The following TENM2 variants were observed in gnomAD, a reference collection of about 807,000 sequenced individuals.
TENM2 encodes teneurin-2.
A neutral mutation model predicts 245.2 loss-of-function variants in TENM2; 52 were observed. The ratio of observed to expected loss-of-function variants is 0.21; its 90% CI spans 0.17 to 0.27. The LOEUF (loss-of-function observed/expected upper bound fraction) is 0.27. TENM2 is among the 10% of genes least tolerant of loss of function. The pLI, the probability that TENM2 is intolerant of heterozygous loss-of-function variation, is 1.00. For synonymous variants in TENM2, 1,363 were observed against 1,438.9 expected, an observed-to-expected ratio of 0.95 and a Z score of 1.19; for missense variants, 3,046 against 3,666.8, an observed-to-expected ratio of 0.83 and a Z score of 4.37.
intron 2 of TENM2, among the ~76,000 whole-genome samples, chr5:167,467,172 T>C (rs1561980571): frequency 6.6e-6 from 1 of 152,046 alleles, no homozygotes; most frequent in Non-Finnish European, 1.5e-5. Flanking sequence ...GATTGGAACA[T>C]GGGGGTGGTT....
chr5:167,142,578 TCTCA>T, the TENM2 span, among the ~76,000 whole-genome samples: 564 of 152,080 alleles, frequency 3.7e-3, 2 homozygotes, highest in African/African-American at 0.013. Context: ...TGAGACGGAG[TCTCA>T]CTCTTTCACC....
At chr5:168,209,572 G>A (rs1475603475) in intron 19 of TENM2, among the ~76,000 whole-genome samples, 1 of 152,186 alleles carries the variant, frequency 6.6e-6, no homozygotes, top group East Asian at 1.9e-4. Flanking sequence ...AAACAACCCT[G>A]TGGCTACTCC....
intron 27 of TENM2, among the ~76,000 whole-genome samples, chr5:168,257,309 C>A (rs1483977432): frequency 6.6e-6 from 1 of 152,100 alleles, no homozygotes; most frequent in Non-Finnish European, 1.5e-5. Flanking sequence ...GTTGGCCTTA[C>A]CGGGCAGGCA....
At chr5:167,032,593 A>G in the TENM2 span, among the ~76,000 whole-genome samples, 2 of 152,142 alleles carry the variant, frequency 1.3e-5, no homozygotes, top group Admixed American at 1.3e-4. Context: ...TTATAAGCAG[A>G]CTGGGTGAGG....
At chr5:167,565,604 C>G (rs1773856598) in intron 2 of TENM2, among the ~76,000 whole-genome samples, 1 of 152,200 alleles carries the variant, frequency 6.6e-6, no homozygotes, top group African/African-American at 2.4e-5. Context: ...AATGATAGGG[C>G]TATCTGCCTT....
chr5:167,150,754 A>G, the TENM2 span, among the ~76,000 whole-genome samples: 3 of 152,190 alleles, frequency 2.0e-5, no homozygotes, highest in Non-Finnish European at 4.4e-5. Flanking sequence ...AATCCTGTAA[A>G]ACCTCTCACA....
intron 2 of TENM2, among the ~76,000 whole-genome samples, chr5:167,539,291 CTG>C (rs1469848292): frequency 4.6e-5 from 7 of 152,200 alleles, no homozygotes; most frequent in African/African-American, 1.7e-4. Flanking sequence ...AATATTATAA[CTG>C]TGTGAATTTG....
intron 7 of TENM2, among the ~76,000 whole-genome samples, chr5:168,069,860 G>T (rs1481938033): frequency 6.6e-6 from 1 of 152,144 alleles, no homozygotes; most frequent in Non-Finnish European, 1.5e-5. Context: ...GGATCTTCTT[G>T]AACGTGTCAG....
intron 1 of TENM2, among the ~76,000 whole-genome samples, chr5:167,353,481 G>GTGT (rs1759070577): frequency 1.5e-5 from 1 of 67,094 alleles, no homozygotes; most frequent in Non-Finnish European, 2.8e-5. Context: ...AGTATATGGT[G>GTGT]TTTTTTGTTG....
chr5:167,888,195 T>C (rs576879771), intron 3 of TENM2, among the ~76,000 whole-genome samples: 20 of 152,284 alleles, frequency 1.3e-4, no homozygotes, highest in African/African-American at 4.3e-4. Context: ...CAGAATCCAA[T>C]TGAATACTCA....
intron 3 of TENM2, among the ~76,000 whole-genome samples, chr5:167,881,484 A>G (rs559221907): frequency 6.6e-6 from 1 of 152,352 alleles, no homozygotes; most frequent in South Asian, 2.1e-4. Context: ...TTTGTTAAAT[A>G]AATGAATGAG....
At chr5:168,042,045 C>T (rs888058520) in intron 5 of TENM2, among the ~76,000 whole-genome samples, 1 of 152,166 alleles carries the variant, frequency 6.6e-6, no homozygotes, top group Non-Finnish European at 1.5e-5. Flanking sequence ...CCCCCAGGAG[C>T]CCCGACATTG....
intron 2 of TENM2, among the ~76,000 whole-genome samples, chr5:167,590,585 C>A (rs1775809656): frequency 2.0e-5 from 3 of 151,870 alleles, no homozygotes; most frequent in Admixed American, 2.0e-4. Flanking sequence ...TTCTCCCAGG[C>A]ATGTCTTGCT....
At chr5:168,237,225 C>T (rs1259245007) in intron 25 of TENM2, among the ~76,000 whole-genome samples, 2 of 149,506 alleles carry the variant, frequency 1.3e-5, no homozygotes, top group Non-Finnish European at 3.0e-5. Flanking sequence ...ATCATGTTGA[C>T]CAGGCTGGTC....
At chr5:167,202,000 G>A in the TENM2 span, among the ~76,000 whole-genome samples, 1 of 152,160 alleles carries the variant, frequency 6.6e-6, no homozygotes. Flanking sequence ...AGGGAAGGTA[G>A]TTGTTGGAAG....
At chr5:168,181,669 C>CTTTTTTTTTTTTTTTTTTTTTTTTTT (rs36042366) in intron 13 of TENM2, among the ~76,000 whole-genome samples, 2 of 78,866 alleles carry the variant, frequency 2.5e-5, no homozygotes, top group African/African-American at 5.0e-5. Context: ...AGTTTTACTT[C>CTTTTTTTTTTTTTTTTTTTTTTTTTT]TTTTTTTTTT....
At chr5:167,814,192 C>T (rs775949709) in intron 2 of TENM2, among the ~76,000 whole-genome samples, 1 of 152,008 alleles carries the variant, frequency 6.6e-6, no homozygotes, top group Admixed American at 6.6e-5. Context: ...TTTCCTTTGT[C>T]CTCAAGGGAA....
intron 2 of TENM2, among the ~76,000 whole-genome samples, chr5:167,724,538 G>A (rs1449695501): frequency 1.3e-5 from 2 of 152,156 alleles, no homozygotes; most frequent in African/African-American, 4.8e-5. Context: ...AAGGAGGGAA[G>A]ACAGTAGAGT....
chr5:167,867,759 G>A (rs928588989), intron 2 of TENM2, among the ~76,000 whole-genome samples: 3 of 152,166 alleles, frequency 2.0e-5, no homozygotes, highest in Non-Finnish European at 4.4e-5. Context: ...TAAAACTGAG[G>A]TGGAACATTC....
Sources: gnomAD v4.1 joint callset for allele counts (sites outside exome capture counted in the v4.1 genomes callset) on GRCh38, gnomAD v4.1.1 for gene constraint, MANE v1.5 for transcripts, NCBI Gene and HGNC (gene_info 2026-07-23, HGNC 2026-07-21) for gene names.